The following SGCZ variants were observed in gnomAD, a reference collection of about 807,000 sequenced individuals.
The protein encoded by SGCZ is sarcoglycan zeta.
A neutral mutation model predicts 41.3 loss-of-function variants in SGCZ; 40 were observed. The ratio of observed to expected loss-of-function variants is 0.97; its 90% confidence interval spans 0.75 to 1.26. The LOEUF (loss-of-function observed/expected upper bound fraction) is 1.26. Ranked by LOEUF, SGCZ falls within the 50% of genes most tolerant of loss-of-function variation. SGCZ has a pLI of 0.00. For synonymous variants in SGCZ, 206 were observed against 137.5 expected, an observed-to-expected ratio of 1.50 and a Z score of -3.49; for missense variants, 552 against 369.8, an observed-to-expected ratio of 1.49 and a Z score of -4.04.
At chr8:14,204,286 T>A (rs1381684512) in intron 4 of SGCZ, among the ~76,000 whole-genome samples, 1 of 151,530 alleles carries the variant, frequency 6.6e-6, no homozygotes. Flanking sequence ...GAATGTTTTT[T>A]TTTTTTTCTT....
At chr8:14,384,565 T>G (rs981685757) in intron 2 of SGCZ, among the ~76,000 whole-genome samples, 3 of 152,184 alleles carry the variant, frequency 2.0e-5, no homozygotes, top group Admixed American at 2.0e-4. Context: ...CTTTATTTAT[T>G]TATTTATTTC....
chr8:14,851,368 C>CAAAAAAAAAAAAAAAAAAAAAA (rs369090223), intron 1 of SGCZ, among the ~76,000 whole-genome samples: 23 of 61,862 alleles, frequency 3.7e-4, no homozygotes, highest in Non-Finnish European at 5.2e-4. Flanking sequence ...GACTCCATCT[C>CAAAAAAAAAAAAAAAAAAAAAA]AAAAAAAAAA....
At chr8:14,296,483 AGTTTT>A (rs1205052048) in intron 3 of SGCZ, among the ~76,000 whole-genome samples, 1 of 152,216 alleles carries the variant, frequency 6.6e-6, no homozygotes, top group African/African-American at 2.4e-5. Flanking sequence ...TACATTTGTT[AGTTTT>A]AACAGCTATT....
At chr8:15,115,848 G>T (rs1186144738) in intron 1 of SGCZ, among the ~76,000 whole-genome samples, 3 of 152,158 alleles carry the variant, frequency 2.0e-5, no homozygotes, top group African/African-American at 7.2e-5. Flanking sequence ...TATTCCCAAA[G>T]GGGAAAAATA....
At chr8:14,292,289 G>A (rs367662045) in intron 3 of SGCZ, among the ~76,000 whole-genome samples, 1 of 151,964 alleles carries the variant, frequency 6.6e-6, no homozygotes, top group African/African-American at 2.4e-5. Context: ...AAACTAATCT[G>A]GGGCAGACAT....
chr8:14,246,157 T>C (rs1799080436), intron 3 of SGCZ, among the ~76,000 whole-genome samples: 6 of 152,196 alleles, frequency 3.9e-5, no homozygotes, highest in South Asian at 2.1e-4. Context: ...TGTATGTTTA[T>C]TGCGGCTGTA....
In SGCZ at chr8:14,968,920, G is replaced by C. The variant is rs181189562; in HGVS notation, c.39+268665C>G. On this transcript the variant is annotated intron_variant, in intron 1 of 7. Coordinates refer to ENST00000382080, the MANE Select transcript of SGCZ (RefSeq NM_139167.4). Reference sequence around the variant, plus strand: ...ATTCGAGCTTTTTTTTCTCACAAATGATATTTTCCTGTGCAAACAAAAGAT... The same window carrying C: ...ATTCGAGCTTTTTTTTCTCACAAATCATATTTTCCTGTGCAAACAAAAGAT... Among the ~76,000 whole-genome samples the C allele has an allele frequency of 1.9e-3, 287 of 152,084 alleles. 2 individuals are homozygous for C. The highest frequency in any genetic ancestry group is 6.5e-3 in the African/African-American group (270 of 41,516).
intron 2 of SGCZ, among the ~76,000 whole-genome samples, chr8:14,429,781 C>T (rs1336617828): frequency 1.3e-5 from 2 of 151,586 alleles, no homozygotes; most frequent in East Asian, 3.9e-4. Flanking sequence ...ACAAAGTTTT[C>T]TTGGACTTGT....
chr8:14,782,604 T>C (rs1357340340), intron 1 of SGCZ, among the ~76,000 whole-genome samples: 2 of 152,170 alleles, frequency 1.3e-5, no homozygotes, highest in Admixed American at 1.3e-4. Flanking sequence ...CAATCTGCTA[T>C]AAACATGAAT....
At chr8:14,290,989 C>A (rs1271516264) in intron 3 of SGCZ, among the ~76,000 whole-genome samples, 3 of 152,034 alleles carry the variant, frequency 2.0e-5, no homozygotes, top group Non-Finnish European at 4.4e-5. Flanking sequence ...TAAATATGTA[C>A]CATGAAATAA....
intron 1 of SGCZ, among the ~76,000 whole-genome samples, chr8:15,206,870 G>T (rs917358672): frequency 2.6e-5 from 4 of 152,054 alleles, no homozygotes; most frequent in Admixed American, 2.6e-4. Flanking sequence ...ACCTTAGTAT[G>T]CAAAAGGGGT....
intron 2 of SGCZ, among the ~76,000 whole-genome samples, chr8:14,467,591 A>G (rs1265093600): frequency 2.6e-5 from 4 of 152,138 alleles, no homozygotes; most frequent in East Asian, 1.9e-4. Context: ...ATTAACTACA[A>G]TTTACCATCC....
intron 1 of SGCZ, among the ~76,000 whole-genome samples, chr8:14,794,254 A>T (rs910360449): frequency 4.6e-5 from 7 of 152,220 alleles, no homozygotes; most frequent in African/African-American, 1.7e-4. Flanking sequence ...AGCTAACCAA[A>T]GAAAACAGTA....
intron 1 of SGCZ, among the ~76,000 whole-genome samples, chr8:15,118,942 G>C (rs1288716886): frequency 6.6e-6 from 1 of 152,124 alleles, no homozygotes; most frequent in African/African-American, 2.4e-5. Flanking sequence ...GAATCTCTCA[G>C]ATCTTACTCT....
intron 1 of SGCZ, among the ~76,000 whole-genome samples, chr8:14,962,498 A>T (rs1585416313): frequency 1.3e-5 from 2 of 152,148 alleles, no homozygotes; most frequent in South Asian, 4.1e-4. Flanking sequence ...AGTTTCTCAA[A>T]CAATACTACT....
chr8:14,432,138 T>G (rs1799960260), intron 2 of SGCZ, among the ~76,000 whole-genome samples: 1 of 152,180 alleles, frequency 6.6e-6, no homozygotes, highest in Non-Finnish European at 1.5e-5. Context: ...TTTGAAGAAC[T>G]AAAAGTAGAA....
Position 15,237,827 on chromosome 8 carries a change from T to C in SGCZ, c.-204A>G. The C allele has an allele frequency of 1.8e-6, 1 of 560,676 alleles. No homozygotes were observed. Among genetic ancestry groups the C allele is most frequent in the Non-Finnish European group, 3.2e-6 (1 of 314,014 alleles). The allele number at this position is 560,676 out of a possible 1,614,324, so 34.7% of individuals were successfully genotyped here. ...ATAATAATGATAATTCACTTTATTT[T>C]ACTTCCTCAAAGATTTAGTGACAGG... On this transcript the variant is annotated 5_prime_UTR_variant, in exon 1 of 8. Coordinates refer to ENST00000382080, the MANE Select transcript of SGCZ (RefSeq NM_139167.4).
chr8:14,986,106 T>G (rs2130886825), intron 1 of SGCZ, among the ~76,000 whole-genome samples: 1 of 152,254 alleles, frequency 6.6e-6, no homozygotes, highest in Non-Finnish European at 1.5e-5. Flanking sequence ...TGGCACATTT[T>G]TAAGTTTGAT....
At chr8:14,119,301 G>A (rs1378316743) in intron 5 of SGCZ, among the ~76,000 whole-genome samples, 1 of 151,932 alleles carries the variant, frequency 6.6e-6, no homozygotes, top group Admixed American at 6.6e-5. Flanking sequence ...TGTATTCCTA[G>A]GTATTTTATT....
Sources: allele counts gnomAD v4.1 joint callset (sites outside exome capture counted in the v4.1 genomes callset), GRCh38; gene constraint gnomAD v4.1.1; transcripts MANE v1.5; gene names NCBI Gene and HGNC (gene_info 2026-07-23, HGNC 2026-07-21).